FMN2: variants seen among roughly 807,000 people sequenced by gnomAD.
FMN2 encodes the protein formin 2.
Under a neutral mutation model 142.3 loss-of-function variants are expected in FMN2, and 51 were observed. The observed-to-expected ratio is 0.36, with a 90% CI of 0.29 to 0.45. The LOEUF is 0.45. Ranked by LOEUF, FMN2 falls within the 20% of genes least tolerant of loss-of-function variation. The pLI is 1.00. For missense variants in FMN2, 1,936 were observed against 2,122.8 expected, an observed-to-expected ratio of 0.91 and a Z score of 1.73; for synonymous variants, 882 against 869.8, an observed-to-expected ratio of 1.01 and a Z score of -0.25.
intron 7 of FMN2, among the ~76,000 whole-genome samples, chr1:240,279,089 G>A (rs959175394): frequency 2.6e-5 from 4 of 152,130 alleles, no homozygotes; most frequent in Non-Finnish European, 4.4e-5. Flanking sequence ...TGATGGACAC[G>A]TCAGTGCTGA....
chr1:240,473,543 A>G lies in FMN2; in HGVS notation c.5143-585A>G, dbSNP rs1450867786. ...ACATTAAAATAACCCAAATTGGGAT[A>G]TGATTAAATAGCCCTGTTTTTTTTT... On this transcript the variant is annotated intron_variant, in intron 17 of 17. Transcript: ENST00000319653. This position sits in a 1 kb window ranked among gnomAD's most constrained non-coding sequence, Gnocchi z 4.3. Among the ~76,000 whole-genome samples, 4 of 152,222 alleles carry G rather than the reference A, an allele frequency of 2.6e-5. No individual in the cohort carries two copies. Among genetic ancestry groups the G allele is most frequent in the African/African-American group, 4.8e-5 (2 of 41,476 alleles).
At chr1:240,162,575 T>A (rs938807974) in intron 2 of FMN2, among the ~76,000 whole-genome samples, 1 of 147,824 alleles carries the variant, frequency 6.8e-6, no homozygotes, top group Admixed American at 6.9e-5. Flanking sequence ...CTAATATTTT[T>A]AAATTTTGGT....
chr1:240,408,442 G>A (rs1271159286), intron 15 of FMN2, among the ~76,000 whole-genome samples: 1 of 152,186 alleles, frequency 6.6e-6, no homozygotes, highest in Non-Finnish European at 1.5e-5. Context: ...AAATTAGAAA[G>A]AGGACATAAT....
In FMN2 at chr1:240,093,588, G is replaced by A; in HGVS notation, c.1479G>A (p.Thr493=). ...ADWTEELGAR[T]PRVGGSAHLL... ...GGACGGAGGAGCTAGGCGCCCGCAC[G>A]CCCCGGGTGGGAGGCTCCGCGCACC... Residue 493 remains threonine, a synonymous_variant, in exon 1 of 18, where the codon ACG becomes ACA. Coordinates refer to ENST00000319653, the MANE Select transcript of FMN2 (RefSeq NM_020066.5). 6.9e-7 allele frequency: 1 copy of A among 1,444,938 alleles called. No individual in the cohort carries two copies. The highest frequency in any genetic ancestry group is 2.7e-5 in the East Asian group (1 of 36,876). The allele number at this position is 1,444,938 out of a possible 1,614,324, so 89.5% of individuals were successfully genotyped here.
At chr1:240,233,003 A>C (rs1667577422) in intron 6 of FMN2, among the ~76,000 whole-genome samples, 1 of 152,212 alleles carries the variant, frequency 6.6e-6, no homozygotes, top group Non-Finnish European at 1.5e-5. Flanking sequence ...GTAAATTTCT[A>C]GTGGTTTATT....
chr1:240,181,466 T>A (rs1170267324), intron 3 of FMN2, among the ~76,000 whole-genome samples: 1 of 152,218 alleles, frequency 6.6e-6, no homozygotes, highest in African/African-American at 2.4e-5. Flanking sequence ...GGTGTTTTCC[T>A]CCTTTATGGA....
At chr1:240,172,028 G>A (rs2103312268) in intron 2 of FMN2, among the ~76,000 whole-genome samples, 1 of 152,294 alleles carries the variant, frequency 6.6e-6, no homozygotes, top group Admixed American at 6.5e-5. Context: ...GATTTGCTCT[G>A]TTAAACAATT....
At chr1:240,143,017 T>A in intron 2 of FMN2, 1 of 1,516,868 alleles carries the variant, frequency 6.6e-7, no homozygotes, top group African/African-American at 1.4e-5. Flanking sequence ...AGCCCAGCCA[T>A]GGCCACTGGA....
chr1:240,202,298 C>T (rs577012552), intron 4 of FMN2, among the ~76,000 whole-genome samples: 21 of 152,016 alleles, frequency 1.4e-4, no homozygotes, highest in Non-Finnish European at 2.6e-4. Flanking sequence ...ACATTTTTGA[C>T]TGGCTATGTA....
At chr1:240,307,082 T>A (rs559507035) in intron 8 of FMN2, among the ~76,000 whole-genome samples, 37 of 152,372 alleles carry the variant, frequency 2.4e-4, no homozygotes, top group African/African-American at 8.7e-4. Context: ...TGCCACTTTT[T>A]AATGAGGTTG....
chr1:240,166,652 T>A (rs1031614862), intron 2 of FMN2, among the ~76,000 whole-genome samples: 1 of 152,250 alleles, frequency 6.6e-6, no homozygotes, highest in Non-Finnish European at 1.5e-5. Flanking sequence ...TGTCCCACTA[T>A]ATGTACAAAT....
At chr1:240,438,355 TG>T (rs1459096106) in intron 16 of FMN2, 145 bp downstream of exon 16, 1 of 779,222 alleles carries the variant, frequency 1.3e-6, no homozygotes, top group Non-Finnish European at 2.0e-6. Flanking sequence ...TGCTGACATT[TG>T]GCAAAATTTG....
chr1:240,320,076 G>A (rs1670921445), intron 8 of FMN2, among the ~76,000 whole-genome samples: 1 of 152,158 alleles, frequency 6.6e-6, no homozygotes, highest in Admixed American at 6.5e-5. Flanking sequence ...ATCCAGGTTA[G>A]CAGCAACTGG....
intron 2 of FMN2, chr1:240,145,530 A>ATTTTTTTTTTTTTTT (rs71168902): frequency 3.6e-5 from 3 of 84,346 alleles, no homozygotes; most frequent in Non-Finnish European, 6.5e-5. Context: ...TTCTTTTTCT[A>ATTTTTTTTTTTTTTT]TTTTTTTTTT....
At chr1:240,382,862 TACC>T (rs1212539438) in intron 14 of FMN2, among the ~76,000 whole-genome samples, 1 of 152,114 alleles carries the variant, frequency 6.6e-6, no homozygotes, top group Non-Finnish European at 1.5e-5. Flanking sequence ...CTTCAAATTG[TACC>T]ACAAGACTAT....
chr1:240,100,078 A>C (rs1349678446), intron 1 of FMN2, among the ~76,000 whole-genome samples: 2 of 152,182 alleles, frequency 1.3e-5, no homozygotes, highest in African/African-American at 4.8e-5. Flanking sequence ...GGCAATTAAA[A>C]CTAGTTGAAT....
intron 15 of FMN2, among the ~76,000 whole-genome samples, chr1:240,397,777 C>T (rs1000541760): frequency 3.7e-5 from 4 of 109,146 alleles, no homozygotes; most frequent in Non-Finnish European, 7.1e-5. Context: ...GCAACATAGA[C>T]TCCTTCTCAA....
chr1:240,206,922 G>A lies in FMN2; in HGVS notation c.2110G>A (p.Val704Met), dbSNP rs551130739. The part of the protein sequence containing the change: ...ERQYPALDTE[V>M]ASGHQGLENG... ...GCAGTATCCTGCCCTGGACACAGAG[G>A]TGGCCAGTGGTCATCAAGGGCTTGA... is the stretch of plus-strand genomic sequence containing the variant. Residue 704 changes from valine to methionine, a missense_variant, in exon 5 of 18, where the codon GTG becomes ATG. This residue lies in a region of FMN2 where 478 missense variants were observed against 462.8 expected (regional missense o/e 1.03). Transcript: ENST00000319653. 32 of 1,614,190 alleles carry A rather than the reference G, an allele frequency of 2.0e-5. No homozygotes were observed. The highest frequency in any genetic ancestry group is 1.6e-4 in the Middle Eastern group (1 of 6,062).
At chr1:240,143,683 A>G in intron 2 of FMN2, 2 of 1,606,054 alleles carry the variant, frequency 1.2e-6, no homozygotes, top group African/African-American at 1.3e-5. Flanking sequence ...ACCCTTCCCC[A>G]GGTGATTGAG....
Sources: gnomAD v4.1 joint callset for allele counts (sites outside exome capture counted in the v4.1 genomes callset) on GRCh38, gnomAD v4.1.1 for gene constraint, gnomAD v4.1.1 regional missense constraint, Gnocchi (gnomAD v3.1) non-coding constraint, MANE v1.5 for transcripts, NCBI Gene and HGNC (gene_info 2026-07-23, HGNC 2026-07-21) for gene names.